Variants in RGS6 observed in about 807,000 individuals in gnomAD.
The protein encoded by RGS6 is regulator of G protein signaling 6.
In RGS6, 30 loss-of-function variants were observed where a neutral mutation model predicts 78.5. The ratio of observed to expected loss-of-function variants is 0.38; its 90% confidence interval spans 0.29 to 0.52. RGS6 has a LOEUF of 0.52. Among genes scored for constraint, RGS6 ranks in the 20% least tolerant of loss-of-function variants. The pLI is 0.85. For missense variants in RGS6, 495 were observed against 609.7 expected, an observed-to-expected ratio of 0.81 and a Z score of 1.98; for synonymous variants, 206 against 206.0, an observed-to-expected ratio of 1.00 and a Z score of 0.00.
chr14:72,566,561 G>T (rs976429659), downstream of RGS6: 4 of 151,784 alleles, frequency 2.6e-5, no homozygotes, highest in Non-Finnish European at 4.4e-5. Context: ...TGGTTTGGGG[G>T]TTCGTTGGGC....
At chr14:72,221,275 C>T (rs78730436) in intron 2 of RGS6, among the ~76,000 whole-genome samples, 3,370 of 152,276 alleles carry the variant, frequency 0.022, 66 homozygotes, top group African/African-American at 0.05. Context: ...ATTGCTCATC[C>T]TAATTTTCTT....
chr14:72,006,495 G>A (rs1270112188), intron 2 of RGS6, among the ~76,000 whole-genome samples: 1 of 152,210 alleles, frequency 6.6e-6, no homozygotes, highest in African/African-American at 2.4e-5. Flanking sequence ...TGTGACGATA[G>A]GCAATGTATG....
At chr14:72,188,566 C>T (rs999129376) in intron 2 of RGS6, among the ~76,000 whole-genome samples, 1 of 152,122 alleles carries the variant, frequency 6.6e-6, no homozygotes, top group African/African-American at 2.4e-5. Flanking sequence ...CTCAACAACT[C>T]TCTTCATTTT....
the RGS6 span, among the ~76,000 whole-genome samples, chr14:71,887,045 G>A: frequency 2.0e-5 from 3 of 152,162 alleles, no homozygotes; most frequent in Non-Finnish European, 4.4e-5. Flanking sequence ...AGCTACTTGG[G>A]AGGCTGAGGT....
chr14:72,166,509 A>G (rs2096930346), intron 2 of RGS6, among the ~76,000 whole-genome samples: 1 of 152,212 alleles, frequency 6.6e-6, no homozygotes, highest in South Asian at 2.1e-4. Flanking sequence ...GAATTCAGGA[A>G]TTTTCTAGAT....
the RGS6 span, among the ~76,000 whole-genome samples, chr14:71,895,625 A>G: frequency 6.6e-6 from 1 of 152,202 alleles, no homozygotes; most frequent in East Asian, 1.9e-4. Context: ...TAGGGAGCAG[A>G]TGGCTCAGTC....
chr14:71,953,978 T>TTTTG (rs2092583310), intron 1 of RGS6, among the ~76,000 whole-genome samples: 2 of 147,856 alleles, frequency 1.4e-5, no homozygotes, highest in African/African-American at 2.5e-5. Context: ...CGTTTTTTTT[T>TTTTG]TTTTTTTTTT....
At chr14:72,472,322 C>T (rs1191570683) in intron 8 of RGS6, among the ~76,000 whole-genome samples, 2 of 152,154 alleles carry the variant, frequency 1.3e-5, no homozygotes, top group Non-Finnish European at 2.9e-5. Flanking sequence ...TGGATCTTGT[C>T]TCATTCTAGG....
At chr14:72,432,758 C>A (rs190331549) in intron 3 of RGS6, among the ~76,000 whole-genome samples, 2 of 152,142 alleles carry the variant, frequency 1.3e-5, no homozygotes, top group African/African-American at 2.4e-5. Context: ...GGGAAATAAG[C>A]CACATGCTAC....
rs576013578 is a variant in RGS6, at chr14:72,024,297, C to G, written c.84+59422C>G. On this transcript the variant is annotated intron_variant, in intron 2 of 17. Transcript: ENST00000553525. ...ACCGTCTAACAGTACATCACAATTT[C>G]TTGTTCCTAACGTTGAATGTGCACA... 1.4e-4 allele frequency among the ~76,000 whole-genome samples: 21 copies of G among 152,298 alleles called. 1 individual carries two copies. In the South Asian group the frequency reaches 4.2e-3, roughly 30 times the overall value.
intron 2 of RGS6, among the ~76,000 whole-genome samples, chr14:72,141,398 G>A (rs1395726003): frequency 6.6e-6 from 1 of 152,162 alleles, no homozygotes; most frequent in Non-Finnish European, 1.5e-5. Context: ...GACTCTTCGT[G>A]TTGCTGAAGT....
intron 2 of RGS6, among the ~76,000 whole-genome samples, chr14:72,304,097 C>G (rs928499278): frequency 3.3e-5 from 5 of 152,178 alleles, no homozygotes; most frequent in African/African-American, 1.2e-4. Flanking sequence ...CTGAGGACAC[C>G]TCTCCCCCTT....
In RGS6 at chr14:72,523,990, G is replaced by A. The variant is rs950303795; in HGVS notation, c.1278+5453G>A. 7.2e-5 allele frequency among the ~76,000 whole-genome samples: 11 copies of A among 152,234 alleles called. No homozygotes were observed. In the South Asian group the frequency reaches 2.1e-3, roughly 29 times the overall value. ...TTAGTTTCCTCATCTGGGTGATGGG[G>A]GTGATGTCTTCTTTACAGCCCGCTA... On this transcript the variant is annotated intron_variant, in intron 15 of 17. Transcript: ENST00000553525.
chr14:72,342,665 A>T (rs1191643803), intron 2 of RGS6, among the ~76,000 whole-genome samples: 1 of 146,294 alleles, frequency 6.8e-6, no homozygotes, highest in African/African-American at 2.5e-5. Flanking sequence ...GGGAGGTGAA[A>T]GTTGCAGTGA....
intron 3 of RGS6, among the ~76,000 whole-genome samples, chr14:72,391,487 A>G (rs114404114): frequency 2.2e-3 from 334 of 152,314 alleles, no homozygotes; most frequent in African/African-American, 6.8e-3. Flanking sequence ...ACAGATCCGG[A>G]TAGATCACCA....
intron 2 of RGS6, among the ~76,000 whole-genome samples, chr14:72,058,977 C>T (rs1003992887): frequency 2.0e-5 from 3 of 152,140 alleles, no homozygotes; most frequent in Non-Finnish European, 4.4e-5. Flanking sequence ...GATCTTGGCT[C>T]ACTGCAACCT....
Position 72,362,722 on chromosome 14 carries a change from C to T in RGS6, c.184+10528C>T, listed in dbSNP as rs556905282. Among the ~76,000 whole-genome samples, 26 of 152,294 alleles carry T rather than the reference C, an allele frequency of 1.7e-4. No homozygotes were observed. The South Asian group carries it at 4.4e-3, about 26-fold the overall frequency. On this transcript the variant is annotated intron_variant, in intron 3 of 17. Coordinates refer to ENST00000553525, the MANE Select transcript of RGS6 (RefSeq NM_001204424.2). ...AACTCATACAATGTCAAGTGTGCCACGTCACGTTCTTCAAGGCAAATTACA... is the reference window on the plus strand; with the variant it reads ...AACTCATACAATGTCAAGTGTGCCATGTCACGTTCTTCAAGGCAAATTACA...
chr14:71,913,741 T>C, the RGS6 span, among the ~76,000 whole-genome samples: 24 of 152,252 alleles, frequency 1.6e-4, no homozygotes, highest in Admixed American at 1.6e-3. Context: ...TGCTCTTTGG[T>C]CATCTGAGGA....
intron 16 of RGS6, among the ~76,000 whole-genome samples, chr14:72,538,165 A>G (rs1160955580): frequency 6.6e-6 from 1 of 152,082 alleles, no homozygotes. Context: ...TATGGATCTG[A>G]TTTGTAACTC....
Sources: gnomAD v4.1 joint callset for allele counts (sites outside exome capture counted in the v4.1 genomes callset) on GRCh38, gnomAD v4.1.1 for gene constraint, MANE v1.5 for transcripts, NCBI Gene and HGNC (gene_info 2026-07-23, HGNC 2026-07-21) for gene names.